The following NALF1 variants were observed in gnomAD, a reference collection of about 807,000 sequenced individuals.
NALF1 encodes the protein family with sequence similarity 155 member A.
Under a neutral mutation model 48.4 loss-of-function variants are expected in NALF1, and 3 were observed. That is an observed-to-expected ratio of 0.06 (90% CI 0.03 to 0.16). NALF1 has a LOEUF of 0.16. Ranked by LOEUF, NALF1 falls within the 10% of genes least tolerant of loss-of-function variation. The pLI is 1.00. For missense variants in NALF1, 526 were observed against 571.5 expected (o/e 0.92, Z 0.81); for synonymous variants, 262 against 245.7 (o/e 1.07, Z -0.62).
At chr13:107,283,852 G>T (rs1451743524) in intron 1 of NALF1, among the ~76,000 whole-genome samples, 1 of 151,748 alleles carries the variant, frequency 6.6e-6, no homozygotes, top group Admixed American at 6.6e-5. Flanking sequence ...TAGAGACGGG[G>T]GTTTCACCGT....
chr13:107,445,393 C>A (rs1411674378), intron 1 of NALF1, among the ~76,000 whole-genome samples: 1 of 152,172 alleles, frequency 6.6e-6, no homozygotes, highest in Non-Finnish European at 1.5e-5. Context: ...GACCTCCATC[C>A]ATTTGTATCA....
rs1883087377 is a variant in NALF1, at chr13:107,362,771, C to T, written c.916-152016G>A. Among the ~76,000 whole-genome samples the T allele has an allele frequency of 6.6e-6, 1 of 152,122 alleles. No individual in the cohort carries two copies. Among genetic ancestry groups the T allele is most frequent in the African/African-American group, 2.4e-5 (1 of 41,426 alleles). ...GCAAACACCGTGTGTGCTTTTACAACTTTCCCATAGGTGAGCATGTACCTG... is the reference window on the plus strand; with the variant it reads ...GCAAACACCGTGTGTGCTTTTACAATTTTCCCATAGGTGAGCATGTACCTG... On this transcript the variant is annotated intron_variant, in intron 1 of 2. Transcript: ENST00000375915. This position sits in a 1 kb window ranked among gnomAD's most constrained non-coding sequence, Gnocchi z 4.6.
At chr13:107,564,093 G>T (rs1001459827) in intron 1 of NALF1, among the ~76,000 whole-genome samples, 1 of 152,094 alleles carries the variant, frequency 6.6e-6, no homozygotes, top group African/African-American at 2.4e-5. Context: ...TATTGGGAAA[G>T]ATGCTTGGAA....
chr13:107,398,947 G>A (rs976239850), intron 1 of NALF1, among the ~76,000 whole-genome samples: 9 of 152,296 alleles, frequency 5.9e-5, no homozygotes, highest in Admixed American at 3.9e-4. Flanking sequence ...AGGAGCTTCC[G>A]TGTTTGGAGC....
At chr13:107,383,617 G>T (rs906919605) in intron 1 of NALF1, among the ~76,000 whole-genome samples, 1 of 152,098 alleles carries the variant, frequency 6.6e-6, no homozygotes, top group Non-Finnish European at 1.5e-5. Flanking sequence ...TTATTCTTGG[G>T]AAGTAATTGA....
intron 1 of NALF1, among the ~76,000 whole-genome samples, chr13:107,338,606 T>C (rs1303727746): frequency 6.6e-6 from 1 of 152,160 alleles, no homozygotes; most frequent in Non-Finnish European, 1.5e-5. Context: ...AAGACAATAA[T>C]TGACCAGCCT....
chr13:107,242,944 C>A (rs1158344864), intron 1 of NALF1, among the ~76,000 whole-genome samples: 2 of 152,128 alleles, frequency 1.3e-5, no homozygotes, highest in Admixed American at 6.5e-5. Context: ...GGTGTCTCTT[C>A]CCTTTACCAC....
chr13:107,580,416 T>G (rs971279163), intron 1 of NALF1, among the ~76,000 whole-genome samples: 7 of 152,152 alleles, frequency 4.6e-5, no homozygotes, highest in African/African-American at 1.2e-4. Context: ...CTGAATTGTG[T>G]GCAGGGCCCT....
intron 1 of NALF1, among the ~76,000 whole-genome samples, chr13:107,743,054 T>G (rs563885310): frequency 6.6e-6 from 1 of 152,178 alleles, no homozygotes; most frequent in Non-Finnish European, 1.5e-5. Context: ...CAGTCTGTGC[T>G]GGCTAGGCTG....
chr13:107,518,784 C>A (rs902209198), intron 1 of NALF1, among the ~76,000 whole-genome samples: 31 of 152,058 alleles, frequency 2.0e-4, no homozygotes, highest in African/African-American at 6.8e-4. Context: ...GATTTTCAGA[C>A]AGAACATTCT....
At chr13:107,386,715 A>C (rs1883537140) in intron 1 of NALF1, among the ~76,000 whole-genome samples, 1 of 152,184 alleles carries the variant, frequency 6.6e-6, no homozygotes, top group African/African-American at 2.4e-5. Flanking sequence ...TATGGCCACA[A>C]ATCTTTCACT....
chr13:107,760,242 CAA>C (rs2138560685), intron 1 of NALF1, among the ~76,000 whole-genome samples: 1 of 152,218 alleles, frequency 6.6e-6, no homozygotes, highest in East Asian at 1.9e-4. Flanking sequence ...ATGCATACAG[CAA>C]AGAGAACTCT....
chr13:107,281,823 A>T (rs764264965), intron 1 of NALF1, among the ~76,000 whole-genome samples: 34 of 152,192 alleles, frequency 2.2e-4, no homozygotes, highest in Non-Finnish European at 4.9e-4. Flanking sequence ...GGCAGGAAGG[A>T]CAATGAATGG....
intron 1 of NALF1, among the ~76,000 whole-genome samples, chr13:107,577,563 G>A (rs1379031000): frequency 1.3e-5 from 2 of 152,208 alleles, no homozygotes; most frequent in Non-Finnish European, 1.5e-5. Flanking sequence ...CTTTTGAAAA[G>A]CGATCTACAT....
chr13:107,194,048 CT>C (rs1042170985), intron 2 of NALF1, among the ~76,000 whole-genome samples: 4 of 112,540 alleles, frequency 3.6e-5, no homozygotes, highest in African/African-American at 6.6e-5. Context: ...ATCTATCTAT[CT>C]ATCTATCTAT....
At chr13:107,263,682 A>G (rs1378534610) in intron 1 of NALF1, among the ~76,000 whole-genome samples, 2 of 152,084 alleles carry the variant, frequency 1.3e-5, no homozygotes, top group Non-Finnish European at 2.9e-5. Flanking sequence ...ACCTTCCACC[A>G]TGATTGTGAT....
intron 2 of NALF1, among the ~76,000 whole-genome samples, chr13:107,183,719 CA>C (rs899743035): frequency 6.6e-6 from 1 of 152,110 alleles, no homozygotes; most frequent in African/African-American, 2.4e-5. Flanking sequence ...TGGAAACCAT[CA>C]TTCACAGCAA....
intron 1 of NALF1, among the ~76,000 whole-genome samples, chr13:107,640,026 C>T (rs2138457337): frequency 6.6e-6 from 1 of 152,132 alleles, no homozygotes; most frequent in South Asian, 2.1e-4. Context: ...AAGATAAGGG[C>T]AAATCTTATA....
intron 1 of NALF1, among the ~76,000 whole-genome samples, chr13:107,555,235 TGAGGGGA>T (rs1877425485): frequency 6.6e-6 from 1 of 151,810 alleles, no homozygotes; most frequent in Non-Finnish European, 1.5e-5. Flanking sequence ...ACTTACGTTG[TGAGGGGA>T]GAAGATGTTT....
Sources: allele counts gnomAD v4.1 joint callset (sites outside exome capture counted in the v4.1 genomes callset), GRCh38; gene constraint gnomAD v4.1.1; non-coding constraint Gnocchi (gnomAD v3.1); transcripts MANE v1.5; gene names NCBI Gene and HGNC (gene_info 2026-07-23, HGNC 2026-07-21).